UBE2N: variants seen among roughly 807,000 people sequenced by gnomAD.
UBE2N encodes ubiquitin-conjugating enzyme E2 N.
For synonymous variants in UBE2N, 70 were observed against 69.2 expected, an observed-to-expected ratio of 1.01 and a Z score of -0.06; for missense variants, 60 against 192.1, an observed-to-expected ratio of 0.31 and a Z score of 4.07.
intron 1 of UBE2N, among the ~76,000 whole-genome samples, chr12:93,439,132 T>C (rs954034496): frequency 3.9e-5 from 6 of 152,238 alleles, no homozygotes; most frequent in African/African-American, 1.4e-4. Flanking sequence ...TATTTTAACA[T>C]TTTCATTAGA....
chr12:93,434,286 G>A (rs1015975355), intron 1 of UBE2N, among the ~76,000 whole-genome samples: 3 of 152,042 alleles, frequency 2.0e-5, no homozygotes, highest in Non-Finnish European at 4.4e-5. Context: ...GCGAGACTCC[G>A]TCTCAACAAA....
intron 1 of UBE2N, among the ~76,000 whole-genome samples, chr12:93,423,590 T>C (rs550841862): frequency 2.0e-5 from 3 of 152,194 alleles, no homozygotes; most frequent in Non-Finnish European, 2.9e-5. Context: ...GGGAAGAGGC[T>C]CAAGAGTTAG....
At chr12:93,436,877 A>G (rs1878950170) in intron 1 of UBE2N, among the ~76,000 whole-genome samples, 1 of 152,232 alleles carries the variant, frequency 6.6e-6, no homozygotes, top group Admixed American at 6.5e-5. Context: ...ACACTTGTGC[A>G]AAATGCCATA....
chr12:93,437,360 T>TAA lies in UBE2N; in HGVS notation c.30+4493_30+4494dup, dbSNP rs542940758. ...GGCAACAAAGCAGCAGTCTGTCTCT[T>TAA]AAAAAAAAAAAAAAGTCAACTTGAA... is the stretch of plus-strand genomic sequence containing the variant. On this transcript the variant is annotated intron_variant, in intron 1 of 3. Coordinates refer to ENST00000318066, the MANE Select transcript of UBE2N (RefSeq NM_003348.4). Among the ~76,000 whole-genome samples, 243 of 129,738 alleles carry TAA rather than the reference T, an allele frequency of 1.9e-3. 1 individual carries two copies. The highest frequency in any genetic ancestry group is 6.8e-3 in the African/African-American group (239 of 35,228). 85.1% of individuals were successfully genotyped at this position (129,738 alleles called of 152,430 possible). A position where few individuals can be genotyped will look rare whatever the true frequency, so the allele number is the denominator to read the frequency against.
At chr12:93,427,965 G>C (rs895335226) in intron 1 of UBE2N, among the ~76,000 whole-genome samples, 3 of 152,176 alleles carry the variant, frequency 2.0e-5, no homozygotes, top group South Asian at 2.1e-4. Context: ...GCCCAGGCTA[G>C]AGTATAGTGA....
At chr12:93,416,841 G>A (rs1371896445) in intron 1 of UBE2N, among the ~76,000 whole-genome samples, 20 of 131,116 alleles carry the variant, frequency 1.5e-4, no homozygotes, top group African/African-American at 5.6e-4. Flanking sequence ...CAAGCATAGT[G>A]AGACCCCATC....
chr12:93,414,389 C>T (rs985634156), intron 1 of UBE2N, among the ~76,000 whole-genome samples: 3 of 139,584 alleles, frequency 2.1e-5, no homozygotes, highest in African/African-American at 5.3e-5. Flanking sequence ...GTGGAGGTTG[C>T]GGTGAGCCCC....
Position 93,441,911 on chromosome 12 carries a change from G to A in UBE2N, c.-27C>T, listed in dbSNP as rs199553317. On this transcript the variant is annotated 5_prime_UTR_variant, in exon 1 of 4. Transcript: ENST00000318066. ...TTGTCAGAACCCGAGTTCGGCCTCT[G>A]GTCTCGTCTCCGGCTCCTCTCGCCT... 125 of 1,569,132 alleles carry A rather than the reference G, an allele frequency of 8.0e-5. 1 individual carries two copies. In the East Asian group the frequency reaches 2.4e-3, roughly 30 times the overall value.
In UBE2N at chr12:93,405,733, T is replaced by C. The variant is rs923047920; in HGVS notation, c.*4306A>G. 1 of 152,332 alleles carries C rather than the reference T, an allele frequency of 6.6e-6. No individual in the cohort carries two copies. The allele number at this position is 152,332 out of a possible 1,614,324, so 9.4% of individuals were successfully genotyped here. A position where few individuals can be genotyped will look rare whatever the true frequency, so the allele number is the denominator to read the frequency against. Reference sequence around the variant, plus strand: ...TATTATTTACACTTCTCTCAAATTATTACATTCAGCATGTTTTGCTTTTTA... The same window carrying C: ...TATTATTTACACTTCTCTCAAATTACTACATTCAGCATGTTTTGCTTTTTA... On this transcript the variant is annotated 3_prime_UTR_variant, in exon 4 of 4. Transcript: ENST00000318066.
At chr12:93,425,717 C>T (rs1050648733) in intron 1 of UBE2N, among the ~76,000 whole-genome samples, 1 of 152,204 alleles carries the variant, frequency 6.6e-6, no homozygotes, top group Non-Finnish European at 1.5e-5. Flanking sequence ...GAAAAAAAGA[C>T]TTGCAAGACT....
At chr12:93,417,658 C>T (rs1878262980) in intron 1 of UBE2N, among the ~76,000 whole-genome samples, 1 of 152,116 alleles carries the variant, frequency 6.6e-6, no homozygotes, top group Non-Finnish European at 1.5e-5. Flanking sequence ...TCATCTCAAA[C>T]AAGAGCTGTC....
At chr12:93,432,204 C>T (rs1446814694) in intron 1 of UBE2N, among the ~76,000 whole-genome samples, 1 of 152,192 alleles carries the variant, frequency 6.6e-6, no homozygotes, top group African/African-American at 2.4e-5. Flanking sequence ...GCATTCCAGC[C>T]TGGGCCACAG....
chr12:93,423,421 T>C (rs1051555509), intron 1 of UBE2N, among the ~76,000 whole-genome samples: 1 of 152,144 alleles, frequency 6.6e-6, no homozygotes, highest in African/African-American at 2.4e-5. Flanking sequence ...AGAAGCTAAA[T>C]AACTCTTTGG....
intron 1 of UBE2N, among the ~76,000 whole-genome samples, chr12:93,423,398 G>C (rs1878477575): frequency 1.3e-5 from 2 of 152,106 alleles, no homozygotes; most frequent in Non-Finnish European, 2.9e-5. Context: ...GTTGGGGGCT[G>C]GTAAATACGT....
chr12:93,441,463 G>C (rs1220600155), intron 1 of UBE2N, among the ~76,000 whole-genome samples: 2 of 152,154 alleles, frequency 1.3e-5, no homozygotes, highest in Admixed American at 6.5e-5. Flanking sequence ...ATCCCCACCA[G>C]GCGCCCGAGC....
chr12:93,413,802 C>A (rs1446656256), intron 1 of UBE2N, among the ~76,000 whole-genome samples: 1 of 152,212 alleles, frequency 6.6e-6, no homozygotes, highest in Non-Finnish European at 1.5e-5. Context: ...AGCCTCCTAA[C>A]CTGTTCTTCC....
At position 93,412,698 on chromosome 12, in the gene UBE2N, G is replaced by A. The variant is rs150551910; in HGVS notation, c.31-1399C>T. Among the ~76,000 whole-genome samples the A allele has an allele frequency of 3.8e-3, 582 of 152,236 alleles. 10 individuals are homozygous for A. The highest frequency in any genetic ancestry group is 0.034 in the Admixed American group (524 of 15,294). On this transcript the variant is annotated intron_variant, in intron 1 of 3. Transcript: ENST00000318066. ...ATTCTGTATTTGTCCTGACTGGCTA[G>A]CAACTTAGAACTTTTTAAAAGAGGT... is the stretch of plus-strand genomic sequence containing the variant.
intron 1 of UBE2N, among the ~76,000 whole-genome samples, chr12:93,420,992 C>T (rs1017154967): frequency 6.6e-6 from 1 of 152,078 alleles, no homozygotes; most frequent in African/African-American, 2.4e-5. Context: ...AAGAAAATCT[C>T]GGGTAACAGT....
At position 93,409,131 on chromosome 12, in the gene UBE2N, G is replaced by A. The variant is rs1185391672; in HGVS notation, c.*908C>T. ...GAAGGTTAAAAAAAGGTCAGATACT[G>A]ATGCTTTATGCATGCTCAGGGCCAG... On this transcript the variant is annotated 3_prime_UTR_variant, in exon 4 of 4. Transcript: ENST00000318066. 6.6e-6 allele frequency: 1 copy of A among 152,594 alleles called. No individual in the cohort carries two copies. Among genetic ancestry groups the A allele is most frequent in the Non-Finnish European group, 1.5e-5 (1 of 68,042 alleles). 9.5% of individuals were successfully genotyped at this position (152,594 alleles called of 1,614,324 possible). A position where few individuals can be genotyped will look rare whatever the true frequency, so the allele number is the denominator to read the frequency against.
Sources: allele counts gnomAD v4.1 joint callset (sites outside exome capture counted in the v4.1 genomes callset), GRCh38; gene constraint gnomAD v4.1.1; transcripts MANE v1.5; gene names NCBI Gene and HGNC (gene_info 2026-07-23, HGNC 2026-07-21).